The following ATL2 variants were observed in gnomAD, a reference collection of about 807,000 sequenced individuals.
The protein encoded by ATL2 is atlastin-2.
In ATL2, 31 loss-of-function variants were observed where a neutral mutation model predicts 73.9. The observed-to-expected ratio is 0.42, with a 90% CI of 0.32 to 0.57. ATL2 has a LOEUF of 0.57. Among genes scored for constraint, ATL2 ranks in the 20% least tolerant of loss-of-function variants. ATL2 has a pLI of 0.14. For missense variants in ATL2, 738 were observed against 702.6 expected, an observed-to-expected ratio of 1.05 and a Z score of -0.57; for synonymous variants, 291 against 237.5, an observed-to-expected ratio of 1.23 and a Z score of -2.07.
chr2:38,364,294 G>A (rs891987955), intron 1 of ATL2, among the ~76,000 whole-genome samples: 1 of 150,914 alleles, frequency 6.6e-6, no homozygotes, highest in African/African-American at 2.5e-5. Context: ...AAAAATAAAA[G>A]TATAGTCTGA....
Position 38,294,172 on chromosome 2 carries a change from G to C in ATL2, c.*1822C>G, listed in dbSNP as rs1037746438. On this transcript the variant is annotated 3_prime_UTR_variant, in exon 13 of 13. Transcript: ENST00000378954. ...CCATATAAAAACAGAATCTGAATGG[G>C]AGTGGGAGCGAAGATGTATCAACCA... Among the ~76,000 whole-genome samples, 1 of 152,198 alleles carries C rather than the reference G, an allele frequency of 6.6e-6. No individual in the cohort carries two copies. Among genetic ancestry groups the C allele is most frequent in the African/African-American group, 2.4e-5 (1 of 41,458 alleles).
At chr2:38,316,568 C>A (rs914912121) in intron 4 of ATL2, among the ~76,000 whole-genome samples, 1 of 152,090 alleles carries the variant, frequency 6.6e-6, no homozygotes, top group Non-Finnish European at 1.5e-5. Flanking sequence ...AACTACCCCC[C>A]CCACCCAAAG....
At position 38,294,440 on chromosome 2, in the gene ATL2, C is replaced by G. The variant is rs533885225; in HGVS notation, c.*1554G>C. Among the ~76,000 whole-genome samples, 14 of 152,216 alleles carry G rather than the reference C, an allele frequency of 9.2e-5. No individual in the cohort carries two copies. The highest frequency in any genetic ancestry group is 3.3e-4 in the Admixed American group (5 of 15,284). ...GCACGCACCTGTAGTCCCAGCTACT[C>G]AGGAGGCTGAGGCGGGAGAATCACT... On this transcript the variant is annotated 3_prime_UTR_variant, in exon 13 of 13. Coordinates refer to ENST00000378954, the MANE Select transcript of ATL2 (RefSeq NM_001135673.4).
chr2:38,370,083 G>A (rs1290990821), intron 1 of ATL2, among the ~76,000 whole-genome samples: 7 of 148,106 alleles, frequency 4.7e-5, no homozygotes, highest in African/African-American at 1.0e-4. Flanking sequence ...GAACCCCGGG[G>A]GGCGGAGCCT....
At chr2:38,297,955 A>G (rs748417265) in intron 12 of ATL2, 189 bp downstream of exon 12, 1 of 602,302 alleles carries the variant, frequency 1.7e-6, no homozygotes, top group Non-Finnish European at 2.8e-6. Context: ...AGGCTAACCA[A>G]AGTACATTAA....
intron 1 of ATL2, among the ~76,000 whole-genome samples, chr2:38,357,955 T>A (rs1670775561): frequency 6.6e-6 from 1 of 152,150 alleles, no homozygotes; most frequent in Admixed American, 6.6e-5. Flanking sequence ...CAAGGCCAGG[T>A]CTTATTTAGT....
intron 1 of ATL2, among the ~76,000 whole-genome samples, chr2:38,349,619 A>G (rs940096887): frequency 2.0e-5 from 3 of 151,776 alleles, no homozygotes; most frequent in Admixed American, 6.6e-5. Flanking sequence ...ACATGTATAC[A>G]TATGTCACTA....
At chr2:38,308,996 T>C (rs1286505613) in intron 9 of ATL2, among the ~76,000 whole-genome samples, 1 of 151,798 alleles carries the variant, frequency 6.6e-6, no homozygotes, top group African/African-American at 2.4e-5. Context: ...CTTTCAGCTG[T>C]TCTTATCAAG....
chr2:38,302,886 C>G (rs1029542104), intron 9 of ATL2, among the ~76,000 whole-genome samples: 5 of 152,148 alleles, frequency 3.3e-5, no homozygotes, highest in Admixed American at 6.5e-5. Context: ...AAGACTATAA[C>G]AAATACCTAA....
intron 2 of ATL2, among the ~76,000 whole-genome samples, chr2:38,324,092 A>G (rs1040760001): frequency 6.6e-6 from 1 of 152,188 alleles, no homozygotes; most frequent in Non-Finnish European, 1.5e-5. Context: ...CCTGACCAAC[A>G]TGGAGATACC....
chr2:38,337,581 C>A (rs1669442788), intron 2 of ATL2, among the ~76,000 whole-genome samples: 1 of 137,230 alleles, frequency 7.3e-6, no homozygotes, highest in South Asian at 2.5e-4. Flanking sequence ...ATTATTATTT[C>A]TATATTATTG....
At chr2:38,296,507 G>C in intron 12 of ATL2, 1 of 1,613,632 alleles carries the variant, frequency 6.2e-7, no homozygotes. Flanking sequence ...TGTTATTGTT[G>C]GATGACAGTC....
intron 1 of ATL2, among the ~76,000 whole-genome samples, chr2:38,346,568 A>T (rs1311449497): frequency 6.6e-6 from 1 of 152,214 alleles, no homozygotes; most frequent in Non-Finnish European, 1.5e-5. Flanking sequence ...CAGTGGTTTC[A>T]GGATAAAACT....
chr2:38,346,987 C>T (rs187885839), intron 1 of ATL2, among the ~76,000 whole-genome samples: 89 of 152,300 alleles, frequency 5.8e-4, no homozygotes, highest in African/African-American at 1.9e-3. Context: ...AGACACTTTC[C>T]AGGAACAAGA....
At chr2:38,358,568 T>C (rs1670814243) in intron 1 of ATL2, 1 of 328,724 alleles carries the variant, frequency 3.0e-6, no homozygotes, top group Non-Finnish European at 6.3e-6. Context: ...GGCAGGCGCC[T>C]GTAGTCCCAG....
intron 4 of ATL2, among the ~76,000 whole-genome samples, chr2:38,316,103 A>ACTTACAT (rs1668012756): frequency 6.6e-6 from 1 of 152,208 alleles, no homozygotes; most frequent in Non-Finnish European, 1.5e-5. Flanking sequence ...CTAAGAAATA[A>ACTTACAT]CTTACATCTT....
chr2:38,298,376 T>C lies in ATL2; in HGVS notation c.1400A>G (p.Asn467Ser). The change falls in exon 12 of 13, where the codon AAT becomes AGT. Residue 467 changes from asparagine to serine, a missense_variant. Physicochemically the swap from Asn to Ser is conservative, Grantham distance 46 (BLOSUM62 1). Transcript: ENST00000378954. ...TGGGGTACGAGCAGCATAGAAGATA[T>C]TTTTGCCATCATTGTGCTTTATAAA... ...ANFIKHNDGK[N>S]IFYAARTPAT... 2 of 1,614,190 alleles carry C rather than the reference T, an allele frequency of 1.2e-6. No individual in the cohort carries two copies. The highest frequency in any genetic ancestry group is 1.7e-6 in the Non-Finnish European group (2 of 1,180,016).
At chr2:38,376,195 G>A (rs1466523855) in intron 1 of ATL2, 2 of 1,517,492 alleles carry the variant, frequency 1.3e-6, no homozygotes, top group Non-Finnish European at 1.8e-6. Context: ...TTTTCAATCA[G>A]GATTTCATGC....
intron 1 of ATL2, among the ~76,000 whole-genome samples, chr2:38,351,380 G>A (rs1194613079): frequency 6.6e-6 from 1 of 152,024 alleles, no homozygotes; most frequent in African/African-American, 2.4e-5. Flanking sequence ...AAAAATTAAT[G>A]TTGCGTACCT....
Sources: allele counts gnomAD v4.1 joint callset (sites outside exome capture counted in the v4.1 genomes callset), GRCh38; gene constraint gnomAD v4.1.1; transcripts MANE v1.5; gene names NCBI Gene and HGNC (gene_info 2026-07-23, HGNC 2026-07-21).